DNAL1: variants seen among roughly 807,000 people sequenced by gnomAD.
The protein encoded by DNAL1 is chromosome 14 open reading frame 168.
Under a neutral mutation model 29.4 loss-of-function variants are expected in DNAL1, and 17 were observed. The ratio of observed to expected loss-of-function variants is 0.58; its 90% CI spans 0.40 to 0.87. The LOEUF (loss-of-function observed/expected upper bound fraction) is 0.87, where lower values mean the gene tolerates loss of function less well. DNAL1 is among the 40% of genes least tolerant of loss of function. The pLI is 0.00. For synonymous variants in DNAL1, 78 were observed against 76.3 expected (o/e 1.02, Z -0.12); for missense variants, 188 against 214.1 (o/e 0.88, Z 0.76).
At chr14:73,646,614 T>G (rs925074283) in intron 1 of DNAL1, among the ~76,000 whole-genome samples, 1 of 152,036 alleles carries the variant, frequency 6.6e-6, no homozygotes, top group Non-Finnish European at 1.5e-5. Flanking sequence ...ATACAAAGAT[T>G]AGCGGGGCAT....
chr14:73,649,674 C>T (rs1891069760), intron 1 of DNAL1, among the ~76,000 whole-genome samples: 1 of 152,304 alleles, frequency 6.6e-6, no homozygotes, highest in Non-Finnish European at 1.5e-5. Flanking sequence ...CCTCCACACA[C>T]ATTTACATAC....
chr14:73,685,433 C>T (rs373408525), intron 5 of DNAL1, among the ~76,000 whole-genome samples: 65 of 149,634 alleles, frequency 4.3e-4, no homozygotes, highest in African/African-American at 1.5e-3. Flanking sequence ...CATGTTGTAG[C>T]GTGTGTCAGA....
At chr14:73,673,008 T>A (rs1460812362) in intron 5 of DNAL1, 2 of 152,026 alleles carry the variant, frequency 1.3e-5, no homozygotes. Context: ...TCCGCCTGCC[T>A]CGGCCTCCCA....
At chr14:73,692,705 T>A (rs755184033) in intron 7 of DNAL1, among the ~76,000 whole-genome samples, 2 of 152,010 alleles carry the variant, frequency 1.3e-5, no homozygotes, top group Non-Finnish European at 2.9e-5. Flanking sequence ...TGACTTCATG[T>A]CAATCTGAAC....
chr14:73,680,630 CATT>C (rs1346260079), intron 5 of DNAL1, among the ~76,000 whole-genome samples: 3 of 152,124 alleles, frequency 2.0e-5, no homozygotes, highest in Admixed American at 6.5e-5. Flanking sequence ...ATCACTCAAA[CATT>C]ATTTATTTAT....
chr14:73,673,698 G>C (rs1045940937), intron 5 of DNAL1, among the ~76,000 whole-genome samples: 3 of 152,072 alleles, frequency 2.0e-5, no homozygotes, highest in Non-Finnish European at 4.4e-5. Context: ...GAGTTTACCT[G>C]GGCAACATAG....
intron 2 of DNAL1, among the ~76,000 whole-genome samples, chr14:73,656,107 T>C (rs1891210844): frequency 6.6e-6 from 1 of 152,160 alleles, no homozygotes; most frequent in African/African-American, 2.4e-5. Context: ...CTTCTGTAAG[T>C]AGGCTTTGAA....
At chr14:73,674,849 T>C (rs62004924) in intron 5 of DNAL1, among the ~76,000 whole-genome samples, 35,553 of 151,946 alleles carry the variant, frequency 0.23, 5,185 homozygotes, top group Non-Finnish European at 0.33. Flanking sequence ...CCACCATGCC[T>C]GGTGGAGTAA....
At chr14:73,687,429 A>C (rs762962546) in intron 6 of DNAL1, 44 bp downstream of exon 6, 2 of 1,486,092 alleles carry the variant, frequency 1.3e-6, no homozygotes, top group Non-Finnish European at 1.8e-6. Context: ...CCGCCTGTTT[A>C]TAGAAAATAG....
intron 5 of DNAL1, among the ~76,000 whole-genome samples, chr14:73,684,456 TTAACA>T (rs1206276897): frequency 1.3e-5 from 2 of 152,212 alleles, no homozygotes; most frequent in African/African-American, 4.8e-5. Flanking sequence ...TTTTGTATAC[TTAACA>T]TGTAATCAAC....
intron 1 of DNAL1, among the ~76,000 whole-genome samples, chr14:73,647,257 C>T (rs181721643): frequency 4.0e-5 from 6 of 149,742 alleles, no homozygotes; most frequent in South Asian, 2.1e-4. Context: ...CCTAGCTACT[C>T]GGGAGGCTGA....
intron 2 of DNAL1, 115 bp from the exon 3 acceptor site, chr14:73,658,732 C>T (rs1298819361): frequency 7.3e-6 from 5 of 684,572 alleles, no homozygotes; most frequent in Non-Finnish European, 1.2e-5. Flanking sequence ...AAACAGTTTG[C>T]TAAATTCTAG....
At chr14:73,683,758 AG>A (rs1891949557) in intron 5 of DNAL1, among the ~76,000 whole-genome samples, 1 of 151,918 alleles carries the variant, frequency 6.6e-6, no homozygotes, top group African/African-American at 2.4e-5. Context: ...CCCAGGCTGG[AG>A]TGCCATGGTG....
chr14:73,648,667 G>A (rs191515475), intron 1 of DNAL1, among the ~76,000 whole-genome samples: 1,637 of 150,236 alleles, frequency 0.011, 36 homozygotes, highest in Admixed American at 0.061. Context: ...TGGCCACCTC[G>A]GCCTCCCAAA....
intron 5 of DNAL1, among the ~76,000 whole-genome samples, chr14:73,679,741 G>A (rs1000201755): frequency 6.6e-6 from 1 of 152,034 alleles, no homozygotes; most frequent in African/African-American, 2.4e-5. Flanking sequence ...TGGTTTCAGT[G>A]TTTTGTATTT....
chr14:73,669,836 A>T lies in DNAL1; in HGVS notation c.209-1706A>T, dbSNP rs369758201. The stretch of plus-strand genomic sequence containing the variant: ...CGGGGGACACAGTTCAGCCCATAAC[A>T]TGGGGTCTTGCTTCAACAGTTAAAT... On this transcript the variant is annotated intron_variant, in intron 4 of 7. Transcript: ENST00000553645. Among the ~76,000 whole-genome samples the T allele has an allele frequency of 7.9e-5, 12 of 152,314 alleles. No homozygotes were observed. In the South Asian group the frequency reaches 1.7e-3, roughly 21 times the overall value.
At chr14:73,671,697 G>T in intron 5 of DNAL1, 100 bp downstream of exon 5, 1 of 1,238,466 alleles carries the variant, frequency 8.1e-7, no homozygotes, top group Non-Finnish European at 1.0e-6. Flanking sequence ...AGGTCAAAAG[G>T]TATCAGTTTC....
chr14:73,652,892 C>T (rs986595359), intron 1 of DNAL1, among the ~76,000 whole-genome samples: 2 of 151,604 alleles, frequency 1.3e-5, no homozygotes, highest in African/African-American at 4.8e-5. Flanking sequence ...TCTTTTTAAC[C>T]CAAGGGTTGC....
At chr14:73,681,138 CTT>C (rs766619134) in intron 5 of DNAL1, among the ~76,000 whole-genome samples, 5 of 140,224 alleles carry the variant, frequency 3.6e-5, no homozygotes, top group Admixed American at 7.2e-5. Flanking sequence ...TGTTTTTTTG[CTT>C]TTTTTTTTTT....
Sources: gnomAD v4.1 joint callset for allele counts (sites outside exome capture counted in the v4.1 genomes callset) on GRCh38, gnomAD v4.1.1 for gene constraint, MANE v1.5 for transcripts, NCBI Gene and HGNC (gene_info 2026-07-23, HGNC 2026-07-21) for gene names.